Variants in NBEA observed in about 807,000 individuals in gnomAD.
NBEA encodes lysosomal-trafficking regulator 2.
Under a neutral mutation model 343.4 loss-of-function variants are expected in NBEA, and 44 were observed. The observed-to-expected ratio is 0.13, with a 90% CI of 0.10 to 0.16. NBEA has a LOEUF of 0.16. NBEA is among the 10% of genes least tolerant of loss of function. The probability of loss-of-function intolerance (pLI) is 1.00; values close to 1 mark genes in which losing one functional copy is unlikely to be tolerated. For synonymous variants in NBEA, 1,175 were observed against 1,238.7 expected (o/e 0.95, Z 1.08); for missense variants, 2,555 against 3,631.3 (o/e 0.70, Z 7.62).
intron 39 of NBEA, among the ~76,000 whole-genome samples, chr13:35,444,121 C>A (rs952837498): frequency 6.6e-6 from 1 of 151,806 alleles, no homozygotes; most frequent in African/African-American, 2.4e-5. Flanking sequence ...TGTTTTCGAA[C>A]AATAGGTTCC....
chr13:35,146,580 G>A (rs967623156), intron 18 of NBEA, among the ~76,000 whole-genome samples: 7 of 152,150 alleles, frequency 4.6e-5, no homozygotes, highest in Middle Eastern at 3.4e-3. Context: ...TTGTAGTGAG[G>A]ACAGGGTCTG....
chr13:35,360,732 A>G (rs1394805881), intron 38 of NBEA, among the ~76,000 whole-genome samples: 1 of 152,108 alleles, frequency 6.6e-6, no homozygotes, highest in East Asian at 1.9e-4. Context: ...CCTCAATAGT[A>G]GAATGAAGAT....
chr13:35,155,969 C>T, intron 19 of NBEA, 114 bp downstream of exon 19: 1 of 1,471,048 alleles, frequency 6.8e-7, no homozygotes, highest in Non-Finnish European at 9.3e-7. Context: ...TAGTTCATGA[C>T]AGTTTTAACT....
At chr13:35,513,771 T>C (rs1411407903) in intron 41 of NBEA, among the ~76,000 whole-genome samples, 1 of 152,118 alleles carries the variant, frequency 6.6e-6, no homozygotes, top group Non-Finnish European at 1.5e-5. Context: ...GGACAAAGTA[T>C]TGGAAAATAA....
intron 47 of NBEA, among the ~76,000 whole-genome samples, chr13:35,605,972 T>G (rs2082267655): frequency 6.6e-6 from 1 of 152,166 alleles, no homozygotes; most frequent in Admixed American, 6.5e-5. Flanking sequence ...ATTGTCAGTA[T>G]AGTTAAAAAC....
At chr13:34,953,085 A>G (rs966112254) in intron 1 of NBEA, among the ~76,000 whole-genome samples, 14 of 152,212 alleles carry the variant, frequency 9.2e-5, no homozygotes, top group African/African-American at 2.9e-4. Flanking sequence ...TAGAATCTTT[A>G]CATGTCAGGC....
At chr13:35,544,767 C>G (rs1050503650) in intron 41 of NBEA, among the ~76,000 whole-genome samples, 4 of 152,256 alleles carry the variant, frequency 2.6e-5, no homozygotes, top group East Asian at 1.9e-4. Flanking sequence ...GTTCAGTGGT[C>G]ACTTAAGAAA....
intron 41 of NBEA, among the ~76,000 whole-genome samples, chr13:35,526,887 A>G (rs1021249559): frequency 1.3e-5 from 2 of 152,248 alleles, no homozygotes; most frequent in East Asian, 1.9e-4. Context: ...AGTGGCTTCA[A>G]TGATGGGCAC....
At chr13:35,364,653 C>G (rs776336009) in intron 38 of NBEA, among the ~76,000 whole-genome samples, 3 of 151,696 alleles carry the variant, frequency 2.0e-5, no homozygotes, top group Non-Finnish European at 4.4e-5. Context: ...TCATGGTAAT[C>G]AGGAGATTAT....
intron 34 of NBEA, among the ~76,000 whole-genome samples, chr13:35,278,721 A>T (rs2034823165): frequency 6.6e-6 from 1 of 152,204 alleles, no homozygotes; most frequent in Non-Finnish European, 1.5e-5. Context: ...AAGGACTTAG[A>T]ACCTGGGATA....
chr13:35,438,854 T>C (rs1168270220), intron 39 of NBEA, among the ~76,000 whole-genome samples: 1 of 152,240 alleles, frequency 6.6e-6, no homozygotes, highest in Non-Finnish European at 1.5e-5. Flanking sequence ...AATATTCTTA[T>C]AAAATACATT....
chr13:35,480,897 C>CA (rs1355649011), intron 41 of NBEA, among the ~76,000 whole-genome samples: 2 of 151,876 alleles, frequency 1.3e-5, no homozygotes, highest in Admixed American at 6.5e-5. Context: ...ACACTTGAGA[C>CA]AAAAAATAGC....
At chr13:35,208,313 GA>G (rs2073534331) in intron 31 of NBEA, among the ~76,000 whole-genome samples, 1 of 152,124 alleles carries the variant, frequency 6.6e-6, no homozygotes, top group African/African-American at 2.4e-5. Flanking sequence ...TTTAAACATG[GA>G]GAATGTGATA....
At chr13:35,667,671 G>A in intron 57 of NBEA, 101 bp downstream of exon 57, 1 of 1,126,200 alleles carries the variant, frequency 8.9e-7, no homozygotes, top group Non-Finnish European at 1.3e-6. Flanking sequence ...GTGCTATCCA[G>A]ATAAATGTGT....
intron 34 of NBEA, among the ~76,000 whole-genome samples, chr13:35,248,090 G>A (rs1367050038): frequency 6.6e-6 from 1 of 152,158 alleles, no homozygotes; most frequent in African/African-American, 2.4e-5. Context: ...CAACAGGATA[G>A]AATATTTGCA....
chr13:35,203,960 T>C (rs1417316176), intron 31 of NBEA, among the ~76,000 whole-genome samples: 1 of 152,146 alleles, frequency 6.6e-6, no homozygotes, highest in Non-Finnish European at 1.5e-5. Flanking sequence ...TTTTAAAAAA[T>C]TCCATTGGTA....
At chr13:35,085,534 C>T (rs1006088566) in intron 10 of NBEA, among the ~76,000 whole-genome samples, 1 of 152,026 alleles carries the variant, frequency 6.6e-6, no homozygotes, top group Non-Finnish European at 1.5e-5. Flanking sequence ...AATTCAACAA[C>T]CTTCATGCTA....
At chr13:35,402,819 G>A (rs1465605970) in intron 38 of NBEA, among the ~76,000 whole-genome samples, 1 of 152,174 alleles carries the variant, frequency 6.6e-6, no homozygotes, top group Non-Finnish European at 1.5e-5. Context: ...GCCTAAAGCA[G>A]ACTTCACGAA....
chr13:35,657,035 C>T (rs2084843453), intron 55 of NBEA, among the ~76,000 whole-genome samples: 1 of 152,180 alleles, frequency 6.6e-6, no homozygotes. Context: ...CCACTCCATC[C>T]CCCCAACCCT....
Sources: gnomAD v4.1 joint callset for allele counts (sites outside exome capture counted in the v4.1 genomes callset) on GRCh38, gnomAD v4.1.1 for gene constraint, MANE v1.5 for transcripts, NCBI Gene and HGNC (gene_info 2026-07-23, HGNC 2026-07-21) for gene names.